Variants in GUCY1A2 observed in about 807,000 individuals in gnomAD.
GUCY1A2 encodes guanylate cyclase soluble subunit alpha-2.
GUCY1A2 carries 27 observed loss-of-function variants against 63.5 expected under a neutral mutation model. That is an observed-to-expected ratio of 0.43 (90% CI 0.31 to 0.59). The LOEUF is 0.59. Among genes scored for constraint, GUCY1A2 ranks in the 20% least tolerant of loss-of-function variants. The pLI is 0.11. For synonymous variants in GUCY1A2, 364 were observed against 343.5 expected, an observed-to-expected ratio of 1.06 and a Z score of -0.66; for missense variants, 768 against 913.3, an observed-to-expected ratio of 0.84 and a Z score of 2.05.
chr11:106,680,424 G>T lies in GUCY1A2; in HGVS notation c.*7125C>A, dbSNP rs1024222436. The T allele has an allele frequency of 9.6e-6, 2 of 207,456 alleles. No homozygotes were observed. The highest frequency in any genetic ancestry group is 2.0e-5 in the Non-Finnish European group (2 of 101,734). 12.9% of individuals were successfully genotyped at this position (207,456 alleles called of 1,614,324 possible). A position where few individuals can be genotyped will look rare whatever the true frequency, so the allele number is the denominator to read the frequency against. On this transcript the variant is annotated 3_prime_UTR_variant, in exon 8 of 8. Transcript: ENST00000526355. ...TTCAGTTTAAAAATATGTATCAAAA[G>T]AATCAAAAAGTAACTATTACTCAGA...
intron 5 of GUCY1A2, among the ~76,000 whole-genome samples, chr11:106,794,685 T>C (rs1864723154): frequency 6.6e-6 from 1 of 152,052 alleles, no homozygotes; most frequent in Non-Finnish European, 1.5e-5. Flanking sequence ...GATAAACACA[T>C]AAAATCCAAT....
chr11:107,017,747 G>A lies in GUCY1A2; in HGVS notation c.303+6C>T, dbSNP rs1861844114. ...AAGGCGGTCCCCCCTTCCGCCCCCC[G>A]CTCACCGAGGGCGCCGTCAGGCGGC... is the stretch of plus-strand genomic sequence containing the variant. On this transcript the variant is annotated splice_donor_region_variant and intron_variant, in intron 1 of 7. Transcript: ENST00000526355. 6 of 1,386,570 alleles carry A rather than the reference G, an allele frequency of 4.3e-6. No homozygotes were observed. The highest frequency in any genetic ancestry group is 2.8e-5 in the Admixed American group (1 of 35,282). 85.9% of individuals were successfully genotyped at this position (1,386,570 alleles called of 1,614,324 possible). A position where few individuals can be genotyped will look rare whatever the true frequency, so the allele number is the denominator to read the frequency against.
At chr11:106,760,491 A>C (rs909972086) in intron 6 of GUCY1A2, among the ~76,000 whole-genome samples, 1 of 152,200 alleles carries the variant, frequency 6.6e-6, no homozygotes, top group African/African-American at 2.4e-5. Context: ...TAACAGTCAT[A>C]GTTTTTCACT....
intron 3 of GUCY1A2, among the ~76,000 whole-genome samples, chr11:106,962,415 T>A (rs1187726633): frequency 1.3e-5 from 2 of 151,418 alleles, no homozygotes; most frequent in Non-Finnish European, 2.9e-5. Context: ...CAAATATTTT[T>A]GTGGTAGCAT....
At chr11:106,703,779 T>C (rs551744957) in intron 7 of GUCY1A2, among the ~76,000 whole-genome samples, 1 of 151,902 alleles carries the variant, frequency 6.6e-6, no homozygotes, top group African/African-American at 2.4e-5. Flanking sequence ...ACTTACTAAT[T>C]AGATTAATTA....
intron 3 of GUCY1A2, among the ~76,000 whole-genome samples, chr11:106,944,076 T>C (rs1860788549): frequency 6.6e-6 from 1 of 150,990 alleles, no homozygotes; most frequent in Non-Finnish European, 1.5e-5. Flanking sequence ...GGCATGGTGG[T>C]ACATGCCTGT....
intron 4 of GUCY1A2, chr11:106,826,446 T>C (rs11211936): frequency 0.47 from 744,268 of 1,569,026 alleles, 180,288 homozygotes; most frequent in Middle Eastern, 0.55. Flanking sequence ...CTTCTCCATA[T>C]GATGAAAGAT....
intron 6 of GUCY1A2, among the ~76,000 whole-genome samples, chr11:106,732,111 C>T (rs972930561): frequency 3.3e-5 from 5 of 152,166 alleles, no homozygotes; most frequent in Admixed American, 1.3e-4. Flanking sequence ...GCAAACAGAA[C>T]CAAGCTGGAG....
rs948066457 is a variant in GUCY1A2 at position 107,017,816 on chromosome 11, C to G, written c.240G>C (p.Gln80His). The G allele has an allele frequency of 2.1e-6, 3 of 1,409,742 alleles. No homozygotes were observed. Among genetic ancestry groups the G allele is most frequent in the Middle Eastern group, 2.6e-4 (1 of 3,894 alleles). The allele number at this position is 1,409,742 out of a possible 1,614,324, so 87.3% of individuals were successfully genotyped here. Residue 80 changes from glutamine (Q) to histidine (H), a missense_variant, in exon 1 of 8, where the codon CAG (glutamine) becomes CAC (histidine). Physicochemically the swap from Gln to His is conservative, Grantham distance 24. Transcript: ENST00000526355. ...AAATAGARRV[Q>H]RRRRVNLDSL... ...AGTCCAGGTTGACCCGCCTCCGGCG[C>G]TGCACCCTCCTGGCCCCGGCAGTGG...
chr11:106,956,954 T>C (rs1049824933), intron 3 of GUCY1A2, among the ~76,000 whole-genome samples: 28 of 152,174 alleles, frequency 1.8e-4, no homozygotes, highest in African/African-American at 6.8e-4. Flanking sequence ...CAGGGAGATC[T>C]GAATTCTGTC....
rs1279169608 is a variant in GUCY1A2, at chr11:106,906,664, T to C, written c.1206+32796A>G. On this transcript the variant is annotated intron_variant, in intron 4 of 7. Transcript: ENST00000526355. ...ATGTTTATTGCGGCACTATTCACAA[T>C]AGCAAAGACTTGGAACCGACCCAAA... Among the ~76,000 whole-genome samples the C allele has an allele frequency of 2.6e-5, 4 of 152,128 alleles. 1 individual carries two copies. The highest frequency in any genetic ancestry group is 4.1e-4 in the South Asian group (2 of 4,832).
chr11:106,803,574 G>A (rs1008309277), intron 5 of GUCY1A2, among the ~76,000 whole-genome samples: 1 of 152,034 alleles, frequency 6.6e-6, no homozygotes. Flanking sequence ...TATAGGACCA[G>A]ATATACCTGT....
Position 106,686,251 on chromosome 11 carries a change from T to A in GUCY1A2, c.*1298A>T, listed in dbSNP as rs796520823. 4 of 218,806 alleles carry A rather than the reference T, an allele frequency of 1.8e-5. No homozygotes were observed. The highest frequency in any genetic ancestry group is 8.9e-5 in the African/African-American group (4 of 44,698). The allele number at this position is 218,806 out of a possible 1,614,324, so 13.6% of individuals were successfully genotyped here. On this transcript the variant is annotated 3_prime_UTR_variant, in exon 8 of 8. Coordinates refer to ENST00000526355, the MANE Select transcript of GUCY1A2 (RefSeq NM_000855.3). ...AGTATTGATTAATGAGAACAGGTCT[T>A]CATTTGAGCAGGACATGCGATGGAA...
chr11:106,749,215 C>T (rs1156920518), intron 6 of GUCY1A2, among the ~76,000 whole-genome samples: 1 of 152,022 alleles, frequency 6.6e-6, no homozygotes, highest in Non-Finnish European at 1.5e-5. Flanking sequence ...TGTAAGTGCA[C>T]TCTGTGACAT....
At chr11:106,794,172 T>C (rs1385754194) in intron 5 of GUCY1A2, among the ~76,000 whole-genome samples, 1 of 151,054 alleles carries the variant, frequency 6.6e-6, no homozygotes, top group African/African-American at 2.4e-5. Context: ...TCAGCCATAA[T>C]AAAGAACAAA....
chr11:106,708,871 C>A (rs1310691211), intron 6 of GUCY1A2, among the ~76,000 whole-genome samples: 1 of 151,314 alleles, frequency 6.6e-6, no homozygotes, highest in African/African-American at 2.4e-5. Flanking sequence ...CTATTGAATA[C>A]ACAAATAAAT....
chr11:106,856,154 G>A (rs180884423), intron 4 of GUCY1A2, among the ~76,000 whole-genome samples: 2 of 150,992 alleles, frequency 1.3e-5, no homozygotes, highest in East Asian at 2.0e-4. Flanking sequence ...GCCAGGCATT[G>A]TGGTGGGTGC....
chr11:106,961,649 T>A (rs1186198174), intron 3 of GUCY1A2, among the ~76,000 whole-genome samples: 1 of 152,208 alleles, frequency 6.6e-6, no homozygotes. Flanking sequence ...TTAAGTGTGC[T>A]TCAAAAAAGA....
At chr11:106,980,025 C>A (rs978302049) in intron 2 of GUCY1A2, among the ~76,000 whole-genome samples, 11 of 152,154 alleles carry the variant, frequency 7.2e-5, no homozygotes, top group African/African-American at 2.4e-4. Context: ...GGGGATTACC[C>A]ATCTCATTCC....
Sources: allele counts gnomAD v4.1 joint callset (sites outside exome capture counted in the v4.1 genomes callset), GRCh38; gene constraint gnomAD v4.1.1; transcripts MANE v1.5; gene names NCBI Gene and HGNC (gene_info 2026-07-23, HGNC 2026-07-21).